The following ARHGAP8 variants were observed in gnomAD, a reference collection of about 807,000 sequenced individuals.
ARHGAP8 encodes Rho GTPase activating protein 8, also known as rho GTPase-activating protein 8.
ARHGAP8 carries 62 observed loss-of-function variants against 46.1 expected under a neutral mutation model. That is an observed-to-expected ratio of 1.34 (90% CI 1.10 to 1.66). The LOEUF (loss-of-function observed/expected upper bound fraction) is 1.66. Among genes scored for constraint, ARHGAP8 ranks in the 40% most tolerant of loss-of-function variants. ARHGAP8 has a pLI of 0.00. For synonymous variants in ARHGAP8, 375 were observed against 243.1 expected, an observed-to-expected ratio of 1.54 and a Z score of -5.05; for missense variants, 923 against 568.4, an observed-to-expected ratio of 1.62 and a Z score of -6.34.
chr22:44,821,982 G>A (rs1930183352), intron 5 of ARHGAP8, among the ~76,000 whole-genome samples: 1 of 152,230 alleles, frequency 6.6e-6, no homozygotes, highest in African/African-American at 2.4e-5. Flanking sequence ...CTGCCCTGGG[G>A]CAGGCTTCAA....
intron 11 of ARHGAP8, among the ~76,000 whole-genome samples, chr22:44,860,756 AAC>A (rs1010227227): frequency 2.4e-5 from 3 of 124,448 alleles, no homozygotes; most frequent in Admixed American, 7.8e-5. Flanking sequence ...CTGTGCAGCC[AAC>A]AGGGGAAGGT....
chr22:44,791,847 G>A (rs1000441813), intron 2 of ARHGAP8, among the ~76,000 whole-genome samples: 1 of 152,178 alleles, frequency 6.6e-6, no homozygotes, highest in African/African-American at 2.4e-5. Flanking sequence ...GGTGCCTGGA[G>A]AAGAGCTTAG....
At chr22:44,858,996 T>C (rs1202204052) in intron 10 of ARHGAP8, among the ~76,000 whole-genome samples, 2 of 151,876 alleles carry the variant, frequency 1.3e-5, no homozygotes, top group Non-Finnish European at 2.9e-5. Flanking sequence ...AAAATGTCCG[T>C]GGCTGTGTTC....
chr22:44,826,510 C>T (rs924596273), intron 7 of ARHGAP8, among the ~76,000 whole-genome samples: 2 of 152,102 alleles, frequency 1.3e-5, no homozygotes, highest in Non-Finnish European at 2.9e-5. Flanking sequence ...CTGCAACCTC[C>T]GCCTCCTGGG....
rs768512557 is a variant in ARHGAP8, at chr22:44,862,365, TCCTC to T, written c.1076_1079del (p.Ser359Ter). The T allele has an allele frequency of 6.2e-6, 10 of 1,614,014 alleles. No individual in the cohort carries two copies. Among genetic ancestry groups the T allele is most frequent in the Admixed American group, 3.3e-5 (2 of 60,000 alleles). On this transcript the variant is annotated frameshift_variant, in exon 12 of 12. Transcript: ENST00000356099. LOFTEE classifies it low-confidence loss of function (END_TRUNC). ...TTTGATCTGGCCATCCCAGGGGGTC[TCCTC>T]CCTGAGTGCCCTTGTGCCCCTGAAC...
chr22:44,827,347 T>TTTTTTTTTTTG (rs1206530437), intron 7 of ARHGAP8, among the ~76,000 whole-genome samples: 1 of 123,740 alleles, frequency 8.1e-6, no homozygotes, highest in Non-Finnish European at 1.7e-5. Context: ...TTTTTTTTTT[T>TTTTTTTTTTTG]TTTTTTTTTT....
chr22:44,756,591 C>A (rs1177177437), intron 1 of ARHGAP8, among the ~76,000 whole-genome samples: 1 of 134,884 alleles, frequency 7.4e-6, no homozygotes, highest in East Asian at 2.7e-4. Flanking sequence ...GCCCCCCCAC[C>A]CCATACACCT....
intron 7 of ARHGAP8, among the ~76,000 whole-genome samples, chr22:44,827,971 C>G (rs951918717): frequency 6.6e-6 from 1 of 152,150 alleles, no homozygotes; most frequent in Non-Finnish European, 1.5e-5. Flanking sequence ...AGTATGGTAG[C>G]CAGTGCTCGC....
intron 1 of ARHGAP8, among the ~76,000 whole-genome samples, chr22:44,758,615 G>T (rs1441427783): frequency 6.6e-6 from 1 of 151,848 alleles, no homozygotes; most frequent in East Asian, 1.9e-4. Flanking sequence ...GTTCCAGGTA[G>T]TGGGGAGGGG....
intron 6 of ARHGAP8, among the ~76,000 whole-genome samples, chr22:44,824,317 G>A (rs1930356080): frequency 1.3e-5 from 2 of 152,208 alleles, no homozygotes; most frequent in South Asian, 4.1e-4. Flanking sequence ...GCAGAGCGCT[G>A]TGATTAACTC....
chr22:44,824,565 A>G (rs1297415712), intron 6 of ARHGAP8, among the ~76,000 whole-genome samples: 2 of 150,672 alleles, frequency 1.3e-5, no homozygotes, highest in Non-Finnish European at 1.5e-5. Context: ...TTCAATACGT[A>G]TTTGCCTGTG....
At chr22:44,783,429 C>G (rs146262078) in intron 1 of ARHGAP8, among the ~76,000 whole-genome samples, 287 of 152,326 alleles carry the variant, frequency 1.9e-3, no homozygotes, top group Middle Eastern at 6.8e-3. Context: ...GCTCGGCCCC[C>G]ACAGGCCTCC....
intron 10 of ARHGAP8, 104 bp from the exon 11 acceptor site, chr22:44,859,627 T>C (rs1174594043): frequency 5.6e-6 from 7 of 1,254,140 alleles, no homozygotes; most frequent in African/African-American, 1.5e-5. Context: ...GGATAGTCCA[T>C]CCTCAGAGCT....
rs763498623 is a variant in ARHGAP8 at position 44,862,612 on chromosome 22, TATA to T, written c.*18_*20del. 6.5e-5 allele frequency: 67 copies of T among 1,032,156 alleles called. No individual in the cohort carries two copies. The highest frequency in any genetic ancestry group is 6.1e-4 in the South Asian group (23 of 37,592). 63.9% of individuals were successfully genotyped at this position (1,032,156 alleles called of 1,614,324 possible). A position where few individuals can be genotyped will look rare whatever the true frequency, so the allele number is the denominator to read the frequency against. ...CGTCTCTAGTGTTGCGAACACTCTG[TATA>T]TTTCGAGCTACCTCCCACACCTGTC... On this transcript the variant is annotated 3_prime_UTR_variant, in exon 12 of 12. Transcript: ENST00000356099.
intron 1 of ARHGAP8, among the ~76,000 whole-genome samples, chr22:44,760,151 G>A (rs1418808555): frequency 6.6e-6 from 1 of 152,192 alleles, no homozygotes; most frequent in Non-Finnish European, 1.5e-5. Flanking sequence ...TCTGCTACCT[G>A]GACAAATGGC....
At chr22:44,845,051 A>C (rs1010970966) in intron 7 of ARHGAP8, among the ~76,000 whole-genome samples, 1 of 152,148 alleles carries the variant, frequency 6.6e-6, no homozygotes. Context: ...CCTGTATCAT[A>C]AATATCCCTT....
intron 1 of ARHGAP8, among the ~76,000 whole-genome samples, chr22:44,768,353 G>T (rs978328723): frequency 6.6e-6 from 1 of 151,858 alleles, no homozygotes; most frequent in Non-Finnish European, 1.5e-5. Flanking sequence ...AGGCTGAAGG[G>T]CAGTGGCGCA....
chr22:44,812,601 C>G (rs778534614), intron 4 of ARHGAP8, among the ~76,000 whole-genome samples: 1 of 151,996 alleles, frequency 6.6e-6, no homozygotes, highest in Non-Finnish European at 1.5e-5. Context: ...GTGATCCGCC[C>G]GCCTCAGCCT....
At chr22:44,802,327 A>C (rs1159214146) in intron 3 of ARHGAP8, among the ~76,000 whole-genome samples, 163 bp downstream of exon 3, 4 of 152,130 alleles carry the variant, frequency 2.6e-5, no homozygotes, top group Non-Finnish European at 5.9e-5. Context: ...CCGAGGGCCA[A>C]CTGTGGACAC....
Sources: allele counts gnomAD v4.1 joint callset (sites outside exome capture counted in the v4.1 genomes callset), GRCh38; gene constraint gnomAD v4.1.1; transcripts MANE v1.5; gene names NCBI Gene and HGNC (gene_info 2026-07-23, HGNC 2026-07-21).